Variants in ATMIN observed in about 807,000 individuals in gnomAD.
The protein encoded by ATMIN is ATM INteracting protein.
In ATMIN, 24 loss-of-function variants were observed where a neutral mutation model predicts 49.2. That is an observed-to-expected ratio of 0.49 (90% CI 0.35 to 0.69). ATMIN has a LOEUF of 0.69. Among genes scored for constraint, ATMIN ranks in the 30% least tolerant of loss-of-function variants. The pLI, the probability that ATMIN is intolerant of heterozygous loss-of-function variation, is 0.00. For synonymous variants in ATMIN, 450 were observed against 392.5 expected, an observed-to-expected ratio of 1.15 and a Z score of -1.73; for missense variants, 1,037 against 1,005.5, an observed-to-expected ratio of 1.03 and a Z score of -0.42.
chr16:81,042,923 A>C (rs538364521), intron 3 of ATMIN, among the ~76,000 whole-genome samples: 2 of 152,334 alleles, frequency 1.3e-5, no homozygotes, highest in South Asian at 4.1e-4. Flanking sequence ...GTTGAGTTCT[A>C]GTACTTAGAG....
intron 1 of ATMIN, 152 bp downstream of exon 1, chr16:81,036,358 C>A: frequency 1.3e-6 from 1 of 799,510 alleles, no homozygotes; most frequent in Non-Finnish European, 1.5e-6. Context: ...CGGCCGGAGG[C>A]GGCTCTCGAA....
chr16:81,038,378 G>A (rs552165053), intron 1 of ATMIN, among the ~76,000 whole-genome samples: 30 of 152,040 alleles, frequency 2.0e-4, no homozygotes, highest in East Asian at 1.9e-4. Flanking sequence ...TGATCCACCC[G>A]CCTCAGCCTC....
chr16:81,043,670 G>A lies in ATMIN; in HGVS notation c.1172G>A (p.Ser391Asn). The change falls in exon 4 of 4, where the codon AGT becomes AAT. Residue 391 changes from serine (S) to asparagine (N), a missense_variant. Physicochemically the swap from Ser to Asn is conservative, Grantham distance 46. Coordinates refer to ENST00000299575, the MANE Select transcript of ATMIN (RefSeq NM_015251.3). ...GGTGTTCAAGTGAACTTTGGTAAAA[G>A]TCCATCTAATCCTTTACAAGAACTA... ...STGVQVNFGK[S>N]PSNPLQELGN... The A allele has an allele frequency of 6.2e-7, 1 of 1,614,194 alleles. No homozygotes were observed. Among genetic ancestry groups the A allele is most frequent in the Non-Finnish European group, 8.5e-7 (1 of 1,180,030 alleles).
chr16:81,042,141 T>A (rs2151739747), intron 2 of ATMIN, 140 bp from the exon 3 acceptor site: 1 of 731,664 alleles, frequency 1.4e-6, no homozygotes, highest in East Asian at 2.6e-5. Flanking sequence ...TGCTTTTACA[T>A]TCTTTTGACT....
At chr16:81,042,701 C>A (rs1567564498) in intron 3 of ATMIN, among the ~76,000 whole-genome samples, 1 of 152,200 alleles carries the variant, frequency 6.6e-6, no homozygotes, top group African/African-American at 2.4e-5. Flanking sequence ...TCTGCCAGCC[C>A]TCTTTGAGAG....
chr16:81,036,223 C>A lies in ATMIN; in HGVS notation c.336+17C>A, dbSNP rs1222946908. ...CGCCTGCAGGTGAGCCCGACGCGGC[C>A]GGCGGCCCGGGGGGCCGGGCCTGGC... On this transcript the variant is annotated intron_variant, in intron 1 of 3. Transcript: ENST00000299575. 2.5e-5 allele frequency: 34 copies of A among 1,387,474 alleles called. No homozygotes were observed. The highest frequency in any genetic ancestry group is 3.2e-5 in the Non-Finnish European group (34 of 1,061,098). The allele number at this position is 1,387,474 out of a possible 1,614,324, so 85.9% of individuals were successfully genotyped here. A position where few individuals can be genotyped will look rare whatever the true frequency, so the allele number is the denominator to read the frequency against.
rs766325150 is a variant in ATMIN, at chr16:81,047,064, T to A, written c.*2094T>A. On this transcript the variant is annotated 3_prime_UTR_variant, in exon 4 of 4. Transcript: ENST00000299575. Reference sequence around the variant, plus strand: ...TTTTTTGTAAATATAAATGCAGTGATCTATGGCTTAAAAAATTTGTTTCTG... The same window carrying A: ...TTTTTTGTAAATATAAATGCAGTGAACTATGGCTTAAAAAATTTGTTTCTG... The A allele has an allele frequency of 6.5e-5, 10 of 152,674 alleles. No individual in the cohort carries two copies. Among genetic ancestry groups the A allele is most frequent in the Non-Finnish European group, 1.3e-4 (9 of 68,046 alleles). 9.5% of individuals were successfully genotyped at this position (152,674 alleles called of 1,614,324 possible).
chr16:81,043,510 A>G lies in ATMIN; in HGVS notation c.1012A>G (p.Thr338Ala). The G allele has an allele frequency of 6.2e-7, 1 of 1,614,136 alleles. No individual in the cohort carries two copies. The highest frequency in any genetic ancestry group is 1.1e-5 in the South Asian group (1 of 91,074). Residue 338 changes from threonine to alanine, a missense_variant, in exon 4 of 4, where the codon ACA becomes GCA. By Grantham distance (58) the Thr-to-Ala change is moderately conservative (BLOSUM62 0). Coordinates refer to ENST00000299575, the MANE Select transcript of ATMIN (RefSeq NM_015251.3). ...GTTAGGTGTTGATCAGGGCTCTGCC[A>G]CAGGGGCTGTGCACTTAATGCCCTT... Reference protein sequence around the residue: ...VVLGVDQGSATGAVHLMPLSV... With the variant: ...VVLGVDQGSAAGAVHLMPLSV...
rs1474718914 is a variant in ATMIN, at chr16:81,035,893, C to T, written c.23C>T (p.Ala8Val). The change falls in exon 1 of 4, where the codon GCG (alanine) becomes GTG (valine). Residue 8 changes from alanine to valine, a missense_variant. Ala to Val is a moderately conservative substitution (Grantham distance 64, BLOSUM62 0). Coordinates refer to ENST00000299575, the MANE Select transcript of ATMIN (RefSeq NM_015251.3). MAASEAA[A>V]AAGSAALAAG... Reference sequence around the variant, plus strand: ...GCCATGGCGGCCTCGGAGGCGGCGGCGGCGGCGGGGTCCGCGGCTCTGGCG... The same window carrying T: ...GCCATGGCGGCCTCGGAGGCGGCGGTGGCGGCGGGGTCCGCGGCTCTGGCG... 1.1e-5 allele frequency: 11 copies of T among 975,898 alleles called. No homozygotes were observed. Among genetic ancestry groups the T allele is most frequent in the East Asian group, 2.3e-4 (2 of 8,626 alleles). The allele number at this position is 975,898 out of a possible 1,614,324, so 60.5% of individuals were successfully genotyped here.
chr16:81,037,932 G>A (rs1970972943), intron 1 of ATMIN, among the ~76,000 whole-genome samples: 5 of 152,070 alleles, frequency 3.3e-5, no homozygotes, highest in Admixed American at 2.0e-4. Flanking sequence ...GAGCCACCGC[G>A]ACCGACCTAA....
chr16:81,041,293 T>G, intron 1 of ATMIN, 63 bp from the exon 2 acceptor site: 1 of 1,527,300 alleles, frequency 6.5e-7, no homozygotes, highest in Non-Finnish European at 8.8e-7. Flanking sequence ...TCATTCCGTT[T>G]CCACTCCAGC....
In ATMIN at chr16:81,035,904, T is replaced by C; in HGVS notation, c.34T>C (p.Ser12Pro). 1.0e-6 allele frequency: 1 copy of C among 980,738 alleles called. No homozygotes were observed. The highest frequency in any genetic ancestry group is 1.2e-6 in the Non-Finnish European group (1 of 828,734). The allele number at this position is 980,738 out of a possible 1,614,324, so 60.8% of individuals were successfully genotyped here. Residue 12 changes from serine to proline, a missense_variant, in exon 1 of 4, where the codon TCC (serine) becomes CCC (proline). Coordinates refer to ENST00000299575, the MANE Select transcript of ATMIN (RefSeq NM_015251.3). ...CTCGGAGGCGGCGGCGGCGGCGGGG[T>C]CCGCGGCTCTGGCGGCGGGTGCCCG... Reference protein sequence around the residue: ...AASEAAAAAGSAALAAGARAV... With the variant: ...AASEAAAAAGPAALAAGARAV...
At position 81,042,264 on chromosome 16, in the gene ATMIN, T is replaced by A. The variant is rs757314595; in HGVS notation, c.463-17T>A. ...AGTTGCTGTTTTTCACCTTAGTCCC[T>A]TCTGCGTTCCTCCTAGCACTTTATG... On this transcript the variant is annotated splice_polypyrimidine_tract_variant and intron_variant, in intron 2 of 3. Transcript: ENST00000299575. 75 of 1,611,676 alleles carry A rather than the reference T, an allele frequency of 4.7e-5. No homozygotes were observed. The highest frequency in any genetic ancestry group is 6.3e-5 in the Non-Finnish European group (74 of 1,179,474).
At chr16:81,041,905 G>A (rs975592015) in intron 2 of ATMIN, among the ~76,000 whole-genome samples, 27 of 152,194 alleles carry the variant, frequency 1.8e-4, no homozygotes, top group African/African-American at 5.3e-4. Context: ...ACTGGGACAA[G>A]AGGTGATTCA....
Position 81,043,254 on chromosome 16 carries a change from C to A in ATMIN, c.756C>A (p.Ile252=). The A allele has an allele frequency of 3.1e-6, 5 of 1,614,158 alleles. No homozygotes were observed. Among genetic ancestry groups the A allele is most frequent in the Non-Finnish European group, 4.2e-6 (5 of 1,180,022 alleles). ...KTIESLNNQP[I]PRPDTQELEA... Reference sequence around the variant, plus strand: ...TTGAATCATTGAACAACCAACCAATCCCTAGACCAGACACTCAAGAACTAG... The same window carrying A: ...TTGAATCATTGAACAACCAACCAATACCTAGACCAGACACTCAAGAACTAG... Residue 252 remains isoleucine, a synonymous_variant, in exon 4 of 4, where the codon ATC becomes ATA. Transcript: ENST00000299575.
At position 81,045,248 on chromosome 16, in the gene ATMIN, A is replaced by G. The variant is rs1418684509; in HGVS notation, c.*278A>G. 9.7e-6 allele frequency: 4 copies of G among 412,600 alleles called. No homozygotes were observed. The highest frequency in any genetic ancestry group is 1.7e-5 in the Non-Finnish European group (4 of 232,612). The allele number at this position is 412,600 out of a possible 1,614,324, so 25.6% of individuals were successfully genotyped here. A position where few individuals can be genotyped will look rare whatever the true frequency, so the allele number is the denominator to read the frequency against. On this transcript the variant is annotated 3_prime_UTR_variant, in exon 4 of 4. Transcript: ENST00000299575. ...CATGTTAAAAAAAAAAATGTATTTC[A>G]TATCTATAAAACCTATATAGCCATT...
chr16:81,040,234 C>T (rs904553735), intron 1 of ATMIN, among the ~76,000 whole-genome samples: 2 of 152,088 alleles, frequency 1.3e-5, no homozygotes, highest in Non-Finnish European at 2.9e-5. Context: ...TCCATTTTAT[C>T]GTGCCATTGC....
Position 81,042,270 on chromosome 16 carries a change from G to T in ATMIN, c.463-11G>T, listed in dbSNP as rs200333912. On this transcript the variant is annotated splice_polypyrimidine_tract_variant and intron_variant, in intron 2 of 3. Coordinates refer to ENST00000299575, the MANE Select transcript of ATMIN (RefSeq NM_015251.3). ...TGTTTTTCACCTTAGTCCCTTCTGC[G>T]TTCCTCCTAGCACTTTATGAAAATG... is the stretch of plus-strand genomic sequence containing the variant. 2.9e-5 allele frequency: 47 copies of T among 1,611,964 alleles called. No individual in the cohort carries two copies. The South Asian group carries it at 4.0e-4, about 14-fold the overall frequency.
chr16:81,046,179 C>A lies in ATMIN; in HGVS notation c.*1209C>A, dbSNP rs1203818685. ...GGAGCTGTTTCCCCAAGTGCATCCA[C>A]AAGCTGGATCTGAGTTTTGTCACTC... On this transcript the variant is annotated 3_prime_UTR_variant, in exon 4 of 4. Transcript: ENST00000299575. 1 of 152,090 alleles carries A rather than the reference C, an allele frequency of 6.6e-6. No homozygotes were observed. Among genetic ancestry groups the A allele is most frequent in the Non-Finnish European group, 1.5e-5 (1 of 68,030 alleles). 9.4% of individuals were successfully genotyped at this position (152,090 alleles called of 1,614,324 possible). A position where few individuals can be genotyped will look rare whatever the true frequency, so the allele number is the denominator to read the frequency against.
Sources: allele counts gnomAD v4.1 joint callset (sites outside exome capture counted in the v4.1 genomes callset), GRCh38; gene constraint gnomAD v4.1.1; transcripts MANE v1.5; gene names NCBI Gene and HGNC (gene_info 2026-07-23, HGNC 2026-07-21).